The following NDUFAF2 variants were observed in gnomAD, a reference collection of about 807,000 sequenced individuals.
The protein encoded by NDUFAF2 is NADH dehydrogenase [ubiquinone] 1 alpha subcomplex assembly factor 2.
In NDUFAF2, 13 loss-of-function variants were observed where a neutral mutation model predicts 22.8. That is an observed-to-expected ratio of 0.57 (90% CI 0.37 to 0.91). The LOEUF (loss-of-function observed/expected upper bound fraction) is 0.91, where lower values mean the gene tolerates loss of function less well. Ranked by LOEUF, NDUFAF2 falls within the 40% of genes least tolerant of loss-of-function variation. NDUFAF2 has a pLI of 0.01. For missense variants in NDUFAF2, 162 were observed against 195.2 expected, an observed-to-expected ratio of 0.83 and a Z score of 1.01; for synonymous variants, 53 against 64.2, an observed-to-expected ratio of 0.83 and a Z score of 0.84.
chr5:61,085,306 C>T (rs1752492793), intron 2 of NDUFAF2, among the ~76,000 whole-genome samples: 1 of 151,988 alleles, frequency 6.6e-6, no homozygotes, highest in African/African-American at 2.4e-5. Flanking sequence ...GAGTTAATTC[C>T]AGTTGGTACA....
At chr5:61,101,306 A>G (rs1448246295) in intron 3 of NDUFAF2, among the ~76,000 whole-genome samples, 1 of 152,178 alleles carries the variant, frequency 6.6e-6, no homozygotes, top group East Asian at 1.9e-4. Context: ...TCTCTTGACA[A>G]AAGAAAACCT....
intron 3 of NDUFAF2, among the ~76,000 whole-genome samples, chr5:61,119,057 G>C (rs184351844): frequency 5.3e-5 from 8 of 152,152 alleles, no homozygotes; most frequent in Admixed American, 2.6e-4. Flanking sequence ...TATTTTAAAA[G>C]AACATATTGG....
At chr5:61,002,834 C>T (rs750036384) in intron 1 of NDUFAF2, among the ~76,000 whole-genome samples, 71 of 152,236 alleles carry the variant, frequency 4.7e-4, no homozygotes, top group African/African-American at 1.7e-3. Context: ...AATTGGCATT[C>T]GGAGGAATGT....
chr5:60,985,091 A>T (rs1751053498), intron 1 of NDUFAF2, among the ~76,000 whole-genome samples: 1 of 152,236 alleles, frequency 6.6e-6, no homozygotes, highest in Non-Finnish European at 1.5e-5. Flanking sequence ...TGGTCTATTC[A>T]GAGATTCAGC....
intron 3 of NDUFAF2, chr5:61,114,883 T>G (rs1377115045): frequency 6.6e-6 from 1 of 152,248 alleles, no homozygotes; most frequent in Non-Finnish European, 1.5e-5. Context: ...CTTCCCTTAC[T>G]TTCTCTCAAA....
At chr5:61,140,878 ATTGT>A (rs1741042330) in intron 3 of NDUFAF2, among the ~76,000 whole-genome samples, 1 of 152,052 alleles carries the variant, frequency 6.6e-6, no homozygotes, top group African/African-American at 2.4e-5. Flanking sequence ...ATTCTGATTG[ATTGT>A]TTAATACTGA....
At chr5:61,128,462 C>T (rs942382860) in intron 3 of NDUFAF2, among the ~76,000 whole-genome samples, 10 of 151,850 alleles carry the variant, frequency 6.6e-5, no homozygotes, top group Non-Finnish European at 8.8e-5. Context: ...TATAGACCAA[C>T]GGAACAGAAC....
rs113368806 is a variant in NDUFAF2 at position 61,052,692 on chromosome 5, G to A, written c.128-20433G>A. 2.5e-3 allele frequency among the ~76,000 whole-genome samples: 375 copies of A among 152,288 alleles called. 8 individuals are homozygous for A. Among genetic ancestry groups the A allele is most frequent in the African/African-American group, 8.8e-3 (364 of 41,564 alleles). ...TTTTATAAGTAGACACTAATGTAATGAACAAGTATTCTTGATAACATACTT... is the reference window on the plus strand; with the variant it reads ...TTTTATAAGTAGACACTAATGTAATAAACAAGTATTCTTGATAACATACTT... On this transcript the variant is annotated intron_variant, in intron 1 of 3. Transcript: ENST00000296597.
At chr5:60,966,807 G>A (rs1580070942) in intron 1 of NDUFAF2, among the ~76,000 whole-genome samples, 1 of 152,030 alleles carries the variant, frequency 6.6e-6, no homozygotes, top group Admixed American at 6.5e-5. Context: ...TTCTGCTCAA[G>A]ATTGCTTTGG....
chr5:61,009,772 G>T (rs1334443030), intron 1 of NDUFAF2, among the ~76,000 whole-genome samples: 1 of 151,910 alleles, frequency 6.6e-6, no homozygotes, highest in East Asian at 1.9e-4. Context: ...CCTATGTTCT[G>T]ATTCCAGACA....
chr5:60,951,379 C>A (rs909320923), intron 1 of NDUFAF2, among the ~76,000 whole-genome samples: 5 of 152,136 alleles, frequency 3.3e-5, no homozygotes, highest in Non-Finnish European at 7.3e-5. Context: ...TGGTTAGAAC[C>A]ACTGTTTATT....
chr5:60,971,144 G>A (rs1216534748), intron 1 of NDUFAF2, among the ~76,000 whole-genome samples: 20 of 147,672 alleles, frequency 1.4e-4, no homozygotes, highest in African/African-American at 4.5e-4. Flanking sequence ...TTCTTTTTTC[G>A]TTTTTTTTTT....
At chr5:61,040,286 A>ACACGCGCGCGCGCGCGCGCGCG (rs1491193758) in intron 1 of NDUFAF2, among the ~76,000 whole-genome samples, 2 of 93,074 alleles carry the variant, frequency 2.1e-5, no homozygotes, top group African/African-American at 8.7e-5. Flanking sequence ...ACACACACAC[A>ACACGCGCGCGCGCGCGCGCGCG]CGCGCGCGCG....
At chr5:61,099,628 AT>A (rs956107498) in intron 3 of NDUFAF2, among the ~76,000 whole-genome samples, 1 of 151,562 alleles carries the variant, frequency 6.6e-6, no homozygotes, top group Admixed American at 6.6e-5. Context: ...TTACAATATA[AT>A]TTTTATATAG....
intron 1 of NDUFAF2, among the ~76,000 whole-genome samples, chr5:60,958,076 A>T (rs1041391051): frequency 1.3e-5 from 2 of 152,190 alleles, no homozygotes; most frequent in Non-Finnish European, 2.9e-5. Context: ...CTTTCTAAGC[A>T]AGTCTGTTCA....
intron 1 of NDUFAF2, among the ~76,000 whole-genome samples, chr5:60,981,288 T>C (rs1347993011): frequency 6.6e-6 from 1 of 152,152 alleles, no homozygotes; most frequent in Non-Finnish European, 1.5e-5. Flanking sequence ...CATGACATAT[T>C]TAACATGCTG....
chr5:60,988,835 C>T (rs750620454), intron 1 of NDUFAF2, among the ~76,000 whole-genome samples: 5 of 152,102 alleles, frequency 3.3e-5, no homozygotes, highest in Non-Finnish European at 7.4e-5. Context: ...TGGAAGATGA[C>T]CTAGGCAATA....
At chr5:61,018,838 G>A (rs1409665701) in intron 1 of NDUFAF2, among the ~76,000 whole-genome samples, 1 of 152,058 alleles carries the variant, frequency 6.6e-6, no homozygotes, top group Non-Finnish European at 1.5e-5. Flanking sequence ...GATGGTTTAA[G>A]AGCCTGCATT....
At chr5:61,117,557 T>G (rs1357350223) in intron 3 of NDUFAF2, among the ~76,000 whole-genome samples, 1 of 152,138 alleles carries the variant, frequency 6.6e-6, no homozygotes, top group Non-Finnish European at 1.5e-5. Context: ...GGTTTCACTA[T>G]GTTGCCTAGG....
Sources: gnomAD v4.1 joint callset for allele counts (sites outside exome capture counted in the v4.1 genomes callset) on GRCh38, gnomAD v4.1.1 for gene constraint, MANE v1.5 for transcripts, NCBI Gene and HGNC (gene_info 2026-07-23, HGNC 2026-07-21) for gene names.